The following NTRK3 variants were observed in gnomAD, a reference collection of about 807,000 sequenced individuals.
NTRK3 encodes the protein NT-3 growth factor receptor.
A neutral mutation model predicts 91.7 loss-of-function variants in NTRK3; 24 were observed. The observed-to-expected ratio is 0.26, with a 90% CI of 0.19 to 0.37. NTRK3 has a LOEUF of 0.37. Among genes scored for constraint, NTRK3 ranks in the 10% least tolerant of loss-of-function variants. The pLI is 1.00. For missense variants in NTRK3, 880 were observed against 1,068.9 expected, an observed-to-expected ratio of 0.82 and a Z score of 2.46; for synonymous variants, 483 against 404.0, an observed-to-expected ratio of 1.20 and a Z score of -2.34.
intron 14 of NTRK3, among the ~76,000 whole-genome samples, chr15:87,997,427 T>C (rs1291245204): frequency 6.6e-6 from 1 of 152,168 alleles, no homozygotes; most frequent in Non-Finnish European, 1.5e-5. Context: ...GCAACGAGGA[T>C]GTGAATACAA....
At chr15:88,175,316 T>A (rs1342558441) in intron 5 of NTRK3, among the ~76,000 whole-genome samples, 1 of 151,824 alleles carries the variant, frequency 6.6e-6, no homozygotes, top group African/African-American at 2.4e-5. Context: ...AAAAGAGACA[T>A]AGTAGGCCCC....
At chr15:88,225,442 T>G (rs2050591278) in intron 3 of NTRK3, among the ~76,000 whole-genome samples, 1 of 152,098 alleles carries the variant, frequency 6.6e-6, no homozygotes, top group South Asian at 2.1e-4. Context: ...AAAAACCCTC[T>G]GTTTTCTGTA....
At chr15:88,245,406 C>G (rs1250022177) in intron 3 of NTRK3, among the ~76,000 whole-genome samples, 1 of 152,188 alleles carries the variant, frequency 6.6e-6, no homozygotes, top group East Asian at 1.9e-4. Context: ...GTGCCTAAGC[C>G]TATACCAGGG....
intron 3 of NTRK3, among the ~76,000 whole-genome samples, chr15:88,238,182 C>A (rs1359884941): frequency 6.6e-6 from 1 of 152,162 alleles, no homozygotes; most frequent in Non-Finnish European, 1.5e-5. Context: ...GGACTTCCAG[C>A]CTCCGGAACC....
chr15:88,087,062 C>T (rs139335348), intron 13 of NTRK3, among the ~76,000 whole-genome samples: 1 of 152,234 alleles, frequency 6.6e-6, no homozygotes. Flanking sequence ...GTGGAACACA[C>T]ACACAACCTA....
intron 3 of NTRK3, among the ~76,000 whole-genome samples, chr15:88,245,804 C>A (rs559407638): frequency 1.3e-5 from 2 of 152,096 alleles, no homozygotes; most frequent in African/African-American, 4.8e-5. Context: ...AGTAGCCAGC[C>A]CAGGGTCTCA....
intron 14 of NTRK3, among the ~76,000 whole-genome samples, chr15:87,988,089 G>A (rs1330203060): frequency 1.3e-5 from 2 of 152,104 alleles, no homozygotes; most frequent in African/African-American, 2.4e-5. Flanking sequence ...GGAGAAAACT[G>A]ACAAACACCA....
chr15:87,863,457 T>G (rs1235780862), exon 19 of NTRK3: 1 of 219,024 alleles, frequency 4.6e-6, no homozygotes, highest in Non-Finnish European at 9.1e-6. Flanking sequence ...ATCCCGCTTA[T>G]CAAACTAAAT....
chr15:87,944,404 C>G (rs748440244), intron 14 of NTRK3, among the ~76,000 whole-genome samples: 8 of 152,234 alleles, frequency 5.3e-5, no homozygotes, highest in Admixed American at 2.0e-4. Context: ...GTATTCAACA[C>G]CTACTGTGTG....
intron 14 of NTRK3, among the ~76,000 whole-genome samples, chr15:87,976,761 A>T (rs997733304): frequency 2.0e-5 from 3 of 152,084 alleles, no homozygotes; most frequent in Admixed American, 1.3e-4. Flanking sequence ...CATGAAAGGG[A>T]GTGTGTCTCT....
intron 14 of NTRK3, among the ~76,000 whole-genome samples, chr15:87,995,582 T>C (rs530589895): frequency 6.6e-6 from 1 of 152,222 alleles, no homozygotes; most frequent in East Asian, 1.9e-4. Flanking sequence ...ATGAAGGAAC[T>C]TGAGAGTTTT....
At chr15:87,900,079 A>G (rs79491674) in intron 17 of NTRK3, among the ~76,000 whole-genome samples, 5,827 of 152,304 alleles carry the variant, frequency 0.038, 123 homozygotes, top group Middle Eastern at 0.075. Context: ...GACATGAAAC[A>G]GTTGATAAAG....
rs901451631 is a variant in NTRK3 at position 88,240,242 on chromosome 15, A to T, written c.248+15664T>A. Among the ~76,000 whole-genome samples, 1 of 151,818 alleles carries T rather than the reference A, an allele frequency of 6.6e-6. No homozygotes were observed. The highest frequency in any genetic ancestry group is 2.1e-4 in the South Asian group (1 of 4,798). ...ACATCACAAGTCAGAGCTGGAAGGG[A>T]TCTCAAAGATCACCTAGTCCAGCCC... On this transcript the variant is annotated intron_variant, in intron 3 of 18. Transcript: ENST00000394480. This position sits in a 1 kb window ranked among gnomAD's most constrained non-coding sequence, Gnocchi z 4.9.
At chr15:87,868,190 C>T (rs963913082) in exon 19 of NTRK3, 2 of 230,370 alleles carry the variant, frequency 8.7e-6, no homozygotes, top group Admixed American at 5.7e-5. Flanking sequence ...TATGTACACA[C>T]GAATAAGTAT....
intron 13 of NTRK3, among the ~76,000 whole-genome samples, chr15:88,107,010 A>G (rs1323909085): frequency 2.0e-5 from 3 of 151,994 alleles, no homozygotes; most frequent in Non-Finnish European, 4.4e-5. Context: ...ATATGTGCAT[A>G]TGTACATATA....
chr15:88,164,101 G>A (rs752517920), intron 5 of NTRK3, among the ~76,000 whole-genome samples: 2 of 152,222 alleles, frequency 1.3e-5, no homozygotes, highest in Admixed American at 6.5e-5. Context: ...GCTCCCCATA[G>A]AAATTTGTTC....
At position 88,121,122 on chromosome 15, in the gene NTRK3, A is replaced by G. The variant is rs537402172; in HGVS notation, c.1396+5149T>C. On this transcript the variant is annotated intron_variant, in intron 13 of 18. Coordinates refer to ENST00000394480, the Ensembl canonical transcript of NTRK3. Reference sequence around the variant, plus strand: ...TTTTTTTACAGACTGCAAAAGATCCACACACTTGCTTCTTTTTCTATTAAA... The same window carrying G: ...TTTTTTTACAGACTGCAAAAGATCCGCACACTTGCTTCTTTTTCTATTAAA... 7.2e-5 allele frequency among the ~76,000 whole-genome samples: 11 copies of G among 152,314 alleles called. No individual in the cohort carries two copies. The South Asian group carries it at 2.3e-3, about 32-fold the overall frequency.
intron 3 of NTRK3, among the ~76,000 whole-genome samples, chr15:88,220,964 G>A (rs2050185513): frequency 6.6e-6 from 1 of 152,210 alleles, no homozygotes; most frequent in Non-Finnish European, 1.5e-5. Flanking sequence ...CCAGAGTACA[G>A]GCTCAGAATT....
intron 13 of NTRK3, among the ~76,000 whole-genome samples, chr15:88,087,964 T>A (rs1405629334): frequency 6.6e-6 from 1 of 152,132 alleles, no homozygotes; most frequent in Non-Finnish European, 1.5e-5. Context: ...CGTGGAAGAA[T>A]TGCTTGAACC....
Sources: gnomAD v4.1 joint callset for allele counts (sites outside exome capture counted in the v4.1 genomes callset) on GRCh38, gnomAD v4.1.1 for gene constraint, Gnocchi (gnomAD v3.1) non-coding constraint, MANE v1.5 for transcripts, NCBI Gene and HGNC (gene_info 2026-07-23, HGNC 2026-07-21) for gene names.